The following RELA variants were observed in gnomAD, a reference collection of about 807,000 sequenced individuals.
RELA encodes transcription factor p65.
A neutral mutation model predicts 56.7 loss-of-function variants in RELA; 14 were observed. The ratio of observed to expected loss-of-function variants is 0.25; its 90% CI spans 0.16 to 0.39. The LOEUF (loss-of-function observed/expected upper bound fraction) is 0.39, where lower values mean the gene tolerates loss of function less well. Ranked by LOEUF, RELA falls within the 10% of genes least tolerant of loss-of-function variation. The probability of loss-of-function intolerance (pLI) is 1.00; values close to 1 mark genes in which losing one functional copy is unlikely to be tolerated. For missense variants in RELA, 559 were observed against 736.4 expected (o/e 0.76, Z 2.79); for synonymous variants, 315 against 289.7 (o/e 1.09, Z -0.89).
rs1489633111 is a variant in RELA, at chr11:65,662,235, C to T, written c.8-30G>A. Reference sequence around the variant, plus strand: ...AAGGGGAGGGAGATCAGGGTCAGCACACACCCAATGCCCATTCTCACAAGG... The same window carrying T: ...AAGGGGAGGGAGATCAGGGTCAGCATACACCCAATGCCCATTCTCACAAGG... On this transcript the variant is annotated intron_variant, in intron 1 of 10. Coordinates refer to ENST00000406246, the MANE Select transcript of RELA (RefSeq NM_021975.4). 3.3e-6 allele frequency: 5 copies of T among 1,530,750 alleles called. No homozygotes were observed. In the African/African-American group the frequency reaches 7.0e-5, roughly 21 times the overall value. 94.8% of individuals were successfully genotyped at this position (1,530,750 alleles called of 1,614,324 possible).
chr11:65,655,659 G>C (rs749526775), intron 10 of RELA, 29 bp downstream of exon 10: 1 of 1,608,274 alleles, frequency 6.2e-7, no homozygotes, highest in African/African-American at 1.3e-5. Flanking sequence ...TGAACCTGTC[G>C]TTCCAGTGGG....
Position 65,655,739 on chromosome 11 carries a change from G to A in RELA, c.982C>T (p.Pro328Ser). 6.2e-7 allele frequency: 1 copy of A among 1,614,170 alleles called. No homozygotes were observed. The highest frequency in any genetic ancestry group is 8.5e-7 in the Non-Finnish European group (1 of 1,180,020). Residue 328 changes from proline (P) to serine (S), a missense_variant, in exon 10 of 11, where the codon CCT (proline) becomes TCT (serine). Pro to Ser is a moderately conservative substitution (Grantham distance 74). Coordinates refer to ENST00000406246, the MANE Select transcript of RELA (RefSeq NM_021975.4). ...CGGGAAGGCACAGCAATGCGTCGAG[G>A]TGGAGGCCGGGGGTCGGTGGGTCCT... Reference protein sequence around the residue: ...FSGPTDPRPPPRRIAVPSRSS... With the variant: ...FSGPTDPRPPSRRIAVPSRSS...
chr11:65,658,610 C>A lies in RELA; in HGVS notation c.664+108G>T. The A allele has an allele frequency of 2.9e-6, 4 of 1,370,572 alleles. No individual in the cohort carries two copies. The highest frequency in any genetic ancestry group is 4.1e-6 in the Non-Finnish European group (4 of 969,574). The allele number at this position is 1,370,572 out of a possible 1,614,324, so 84.9% of individuals were successfully genotyped here. A position where few individuals can be genotyped will look rare whatever the true frequency, so the allele number is the denominator to read the frequency against. On this transcript the variant is annotated intron_variant, in intron 7 of 10. Transcript: ENST00000406246. The surrounding 1 kb of genome is among the most constrained non-coding windows in gnomAD (Gnocchi z 4.5). ...CATCACCCTTCGGCCCACCTGAGGCCCCCGAGGCACAGGAGGAAGTATCCA... is the reference window on the plus strand; with the variant it reads ...CATCACCCTTCGGCCCACCTGAGGCACCCGAGGCACAGGAGGAAGTATCCA...
rs1249428220 is a variant in RELA at position 65,662,908 on chromosome 11, G to A, written c.-76C>T. 6 of 1,135,240 alleles carry A rather than the reference G, an allele frequency of 5.3e-6. No individual in the cohort carries two copies. The highest frequency in any genetic ancestry group is 4.3e-5 in the South Asian group (1 of 23,060). 70.3% of individuals were successfully genotyped at this position (1,135,240 alleles called of 1,614,324 possible). On this transcript the variant is annotated 5_prime_UTR_variant, in exon 1 of 11. Transcript: ENST00000406246. ...CACTACAGACGAGCCATTCGCCAGA[G>A]GCGGAAATGCGCCGCGCGGCCCGCC...
intron 1 of RELA, chr11:65,662,440 G>A (rs924001297): frequency 3.8e-6 from 2 of 530,566 alleles, no homozygotes; most frequent in Non-Finnish European, 6.5e-6. Context: ...CTGAATCAGG[G>A]CCTGTTGTAC....
At chr11:65,662,364 A>G (rs1044508407) in intron 1 of RELA, 159 bp from the exon 2 acceptor site, 5 of 807,574 alleles carry the variant, frequency 6.2e-6, no homozygotes, top group Non-Finnish European at 9.1e-6. Context: ...GGTGGAGGAA[A>G]GGAACCAGAA....
rs554977605 is a variant in RELA, at chr11:65,660,398, G to A, written c.336-183C>T. The A allele has an allele frequency of 5.3e-4, 329 of 617,078 alleles. 1 individual carries two copies. The highest frequency in any genetic ancestry group is 7.1e-4 in the Non-Finnish European group (248 of 349,222). 38.2% of individuals were successfully genotyped at this position (617,078 alleles called of 1,614,324 possible). The stretch of plus-strand genomic sequence containing the variant: ...CTTCACTCAGCTGACAAGCACCTCC[G>A]TGCCCCTGCCCCTGCCAGCCTCCCT... On this transcript the variant is annotated intron_variant, in intron 4 of 10. Coordinates refer to ENST00000406246, the MANE Select transcript of RELA (RefSeq NM_021975.4).
chr11:65,655,564 G>A (rs920307944), intron 10 of RELA, 124 bp downstream of exon 10: 8 of 945,112 alleles, frequency 8.5e-6, no homozygotes, highest in East Asian at 2.6e-5. Flanking sequence ...TGGTTCCTGC[G>A]CCATCCTTTC....
chr11:65,658,923 GC>G lies in RELA; in HGVS notation c.560-102del. Reference sequence around the variant, plus strand: ...CCCTGCCCAGCCCAGAGTCAAGGTTGCCCAGAGCTTGCCACCTACACCTTTG... The same window carrying G: ...CCCTGCCCAGCCCAGAGTCAAGGTTGCCAGAGCTTGCCACCTACACCTTTG... On this transcript the variant is annotated intron_variant, in intron 6 of 10. Coordinates refer to ENST00000406246, the MANE Select transcript of RELA (RefSeq NM_021975.4). The surrounding 1 kb of genome is among the most constrained non-coding windows in gnomAD (Gnocchi z 4.5). 1 of 963,576 alleles carries G rather than the reference GC, an allele frequency of 1.0e-6. No homozygotes were observed. The highest frequency in any genetic ancestry group is 1.7e-6 in the Non-Finnish European group (1 of 600,826). The allele number at this position is 963,576 out of a possible 1,614,324, so 59.7% of individuals were successfully genotyped here. A position where few individuals can be genotyped will look rare whatever the true frequency, so the allele number is the denominator to read the frequency against.
Position 65,661,396 on chromosome 11 carries a change from GTTTTCTTCCTCAA to G in RELA, c.335+278_335+290del, listed in dbSNP as rs1366587641. The G allele has an allele frequency of 1.8e-5, 6 of 331,834 alleles. No individual in the cohort carries two copies. The Admixed American group carries it at 2.7e-4, about 15-fold the overall frequency. 20.6% of individuals were successfully genotyped at this position (331,834 alleles called of 1,614,324 possible). ...TCCAGGGGAGAGTGCTGGTTCAATG[GTTTTCTTCCTCAA>G]ACAAGAGACGTGACTCTGAGGGACT... On this transcript the variant is annotated intron_variant, in intron 4 of 10. Coordinates refer to ENST00000406246, the MANE Select transcript of RELA (RefSeq NM_021975.4).
Position 65,659,651 on chromosome 11 carries a change from TCCC to T in RELA, c.559+12_559+14del. ...GCCCACCCTCTCCCCTTCCTGCGTC[TCCC>T]TCGCTACTCACGATTGTCAAAGATG... On this transcript the variant is annotated intron_variant, in intron 6 of 10. Coordinates refer to ENST00000406246, the MANE Select transcript of RELA (RefSeq NM_021975.4). The T allele has an allele frequency of 6.2e-7, 1 of 1,613,098 alleles. No individual in the cohort carries two copies. Among genetic ancestry groups the T allele is most frequent in the Non-Finnish European group, 8.5e-7 (1 of 1,179,956 alleles).
chr11:65,662,399 G>A (rs897132980), intron 1 of RELA, 194 bp from the exon 2 acceptor site: 2 of 607,222 alleles, frequency 3.3e-6, no homozygotes, highest in Non-Finnish European at 5.4e-6. Context: ...AGGGAAAACG[G>A]GGTAAGGAAT....
Position 65,658,348 on chromosome 11 carries a change from C to G in RELA, c.816G>C (p.Leu272=), listed in dbSNP as rs1856481703. The G allele has an allele frequency of 1.9e-6, 3 of 1,613,438 alleles. No individual in the cohort carries two copies. Among genetic ancestry groups the G allele is most frequent in the Non-Finnish European group, 2.5e-6 (3 of 1,179,812 alleles). ...TGAGCTCCCGGTCGGAAGGCCGCCG[C>G]AGCTGCATGGAGACACGCACAGGAG... ...LQAPVRVSMQ[L]RRPSDRELSE... Residue 272 remains leucine, a synonymous_variant, in exon 8 of 11, where the codon CTG becomes CTC. Transcript: ENST00000406246. This position sits in a 1 kb window ranked among gnomAD's most constrained non-coding sequence, Gnocchi z 4.5.
At chr11:65,660,310 G>T in intron 4 of RELA, 95 bp from the exon 5 acceptor site, 1 of 1,099,106 alleles carries the variant, frequency 9.1e-7, no homozygotes. Context: ...CCCACCCCTA[G>T]ATCATCGCTC....
intron 4 of RELA, chr11:65,660,489 C>T (rs972125000): frequency 2.0e-5 from 10 of 502,658 alleles, no homozygotes; most frequent in Admixed American, 3.5e-5. Flanking sequence ...CACTCATTCC[C>T]ACCTCAAGGC....
At chr11:65,660,017 A>G in intron 5 of RELA, 107 bp downstream of exon 5, 1 of 1,253,998 alleles carries the variant, frequency 8.0e-7, no homozygotes, top group Non-Finnish European at 1.2e-6. Context: ...CTGAATGGGC[A>G]CCAAGATTCC....
Position 65,654,339 on chromosome 11 carries a change from C to T in RELA, c.*39G>A. The stretch of plus-strand genomic sequence containing the variant: ...AGTGCTTTTGGAGGGCTTCAATCCC[C>T]TGCAACCCAGTGCTCTGGGGAGGGC... On this transcript the variant is annotated 3_prime_UTR_variant, in exon 11 of 11. Coordinates refer to ENST00000406246, the MANE Select transcript of RELA (RefSeq NM_021975.4). 2 of 1,613,624 alleles carry T rather than the reference C, an allele frequency of 1.2e-6. No individual in the cohort carries two copies. The highest frequency in any genetic ancestry group is 1.7e-6 in the Non-Finnish European group (2 of 1,179,972).
upstream of RELA, chr11:65,662,943 C>T (rs547326430): frequency 6.8e-5 from 64 of 947,962 alleles, no homozygotes; most frequent in East Asian, 2.2e-3. Flanking sequence ...CGTCGCGTCA[C>T]TGCCCGGAAT....
rs1177462012 is a variant in RELA at position 65,654,617 on chromosome 11, C to T, written c.1417G>A (p.Glu473Lys). Residue 473 changes from glutamate to lysine, a missense_variant, in exon 11 of 11, where the codon GAG becomes AAG. This residue lies in a region of RELA where 365 missense variants were observed against 387.5 expected (regional missense o/e 0.94). Coordinates refer to ENST00000406246, the MANE Select transcript of RELA (RefSeq NM_021975.4). ...CCCTGGTTCAGCAGCTGCTGAAACT[C>T]GGAGTTGTCGACGGATGCCAGGTCT... ...FTDLASVDNS[E>K]FQQLLNQGIP... 6 of 1,609,478 alleles carry T rather than the reference C, an allele frequency of 3.7e-6. No individual in the cohort carries two copies. Among genetic ancestry groups the T allele is most frequent in the African/African-American group, 1.3e-5 (1 of 74,682 alleles).
Sources: gnomAD v4.1 joint callset for allele counts on GRCh38, gnomAD v4.1.1 for gene constraint, gnomAD v4.1.1 regional missense constraint, Gnocchi (gnomAD v3.1) non-coding constraint, MANE v1.5 for transcripts, NCBI Gene and HGNC (gene_info 2026-07-23, HGNC 2026-07-21) for gene names.